MYOF: variants seen among roughly 807,000 people sequenced by gnomAD.
MYOF encodes myoferlin, also known as fer-1-like 3, myoferlin.
In MYOF, 244 loss-of-function variants were observed where a neutral mutation model predicts 284.2. That is an observed-to-expected ratio of 0.86 (90% CI 0.77 to 0.95). The LOEUF (loss-of-function observed/expected upper bound fraction) is 0.95. MYOF is among the 40% of genes least tolerant of loss of function. MYOF has a pLI of 0.00. For missense variants in MYOF, 2,496 were observed against 2,560.6 expected (o/e 0.97, Z 0.54); for synonymous variants, 904 against 919.7 (o/e 0.98, Z 0.31).
At chr10:93,345,726 G>A (rs1362223305) in intron 37 of MYOF, among the ~76,000 whole-genome samples, 1 of 152,208 alleles carries the variant, frequency 6.6e-6, no homozygotes, top group Non-Finnish European at 1.5e-5. Flanking sequence ...GGAGGAGAAA[G>A]TTATTCTGTG....
intron 1 of MYOF, among the ~76,000 whole-genome samples, chr10:93,457,383 T>G (rs1489821414): frequency 6.6e-6 from 1 of 152,232 alleles, no homozygotes; most frequent in Non-Finnish European, 1.5e-5. Context: ...ATGCTGCATC[T>G]GAGTGTGCTA....
chr10:93,329,825 T>C lies in MYOF; in HGVS notation c.4821A>G (p.Glu1607=). 5.6e-6 allele frequency: 9 copies of C among 1,614,172 alleles called. No individual in the cohort carries two copies. The highest frequency in any genetic ancestry group is 7.6e-6 in the Non-Finnish European group (9 of 1,180,016). The change falls in exon 44 of 54, where the codon GAA becomes GAG. Residue 1607 remains glutamate, a synonymous_variant. Coordinates refer to ENST00000359263, the MANE Select transcript of MYOF (RefSeq NM_013451.4). ...TTTCTTGAGGTAAGTAGCAGCTCAG[T>C]TCGTACATCCTAAATAAACAAATGC... is the stretch of plus-strand genomic sequence containing the variant. ...TLNPVFGRMY[E]LSCYLPQEKD... is the part of the protein sequence containing the mutation.
rs567178868 is a variant in MYOF at position 93,467,616 on chromosome 10, A to G, written c.89-10679T>C. Among the ~76,000 whole-genome samples the G allele has an allele frequency of 2.6e-5, 4 of 152,192 alleles. No individual in the cohort carries two copies. The East Asian group carries it at 7.7e-4, about 29-fold the overall frequency. ...AAATACCATTTGACCCAGCCATCCC[A>G]TTACTGGGTATATACCCAAAGGATT... On this transcript the variant is annotated intron_variant, in intron 1 of 53. Coordinates refer to ENST00000359263, the MANE Select transcript of MYOF (RefSeq NM_013451.4).
rs1042117747 is a variant in MYOF at position 93,456,935 on chromosome 10, C to T, written c.91G>A (p.Glu31Lys). The T allele has an allele frequency of 6.2e-7, 1 of 1,603,940 alleles. No individual in the cohort carries two copies. Among genetic ancestry groups the T allele is most frequent in the Non-Finnish European group, 8.5e-7 (1 of 1,176,058 alleles). Residue 31 changes from glutamate to lysine, a missense_variant and splice_region_variant, in exon 2 of 54, where the codon GAG (glutamate) becomes AAG (lysine). By Grantham distance (56) the Glu-to-Lys change is moderately conservative (BLOSUM62 1). This residue lies in a region of MYOF where 57 missense variants were observed against 62.4 expected (regional missense o/e 0.91). Transcript: ENST00000359263. ...TCAACTTTCTTTGTTTTCTTTTTCT[C>T]ATCTGCAAAAGAGATAAAGGAAGAG... ...DPIVSVIFKD[E>K]KKKTKKVDNE... is the part of the protein sequence containing the mutation.
In MYOF at chr10:93,373,251, T is replaced by C. The variant is rs1490187920; in HGVS notation, c.2302-166A>G. On this transcript the variant is annotated intron_variant, in intron 23 of 53. Transcript: ENST00000359263. ...GAGCTCCCATCTTCTAGGACCGCAC[T>C]GTGAGTTTGCAGGGCTGGGAGGCAG... 5.3e-5 allele frequency among the ~76,000 whole-genome samples: 8 copies of C among 152,146 alleles called. No individual in the cohort carries two copies. In the East Asian group the frequency reaches 1.5e-3, roughly 29 times the overall value.
intron 1 of MYOF, among the ~76,000 whole-genome samples, chr10:93,475,233 G>A (rs956357754): frequency 6.6e-6 from 1 of 152,192 alleles, no homozygotes; most frequent in African/African-American, 2.4e-5. Context: ...GCTCAGACCT[G>A]CTCAAAGCAC....
At chr10:93,479,650 C>T (rs2057346601) in intron 1 of MYOF, among the ~76,000 whole-genome samples, 1 of 152,156 alleles carries the variant, frequency 6.6e-6, no homozygotes. Context: ...AAGACCAGTT[C>T]CCATCATGCC....
chr10:93,410,008 AGAG>A (rs1160053931), intron 5 of MYOF, among the ~76,000 whole-genome samples: 7 of 152,204 alleles, frequency 4.6e-5, no homozygotes, highest in African/African-American at 1.7e-4. Context: ...AGGGACAATG[AGAG>A]GAGATGGCAC....
At chr10:93,438,860 A>G (rs2056156117) in intron 3 of MYOF, among the ~76,000 whole-genome samples, 1 of 152,178 alleles carries the variant, frequency 6.6e-6, no homozygotes, top group African/African-American at 2.4e-5. Context: ...AGGAAGGCCT[A>G]GTGACCTGCG....
chr10:93,313,189 C>T lies in MYOF; in HGVS notation c.5720G>A (p.Arg1907His), dbSNP rs374263594. The T allele has an allele frequency of 1.1e-4, 170 of 1,613,236 alleles. 1 individual carries two copies. In the East Asian group the frequency reaches 1.9e-3, roughly 18 times the overall value. The change falls in exon 51 of 54, where the codon CGT becomes CAT. Residue 1907 changes from arginine (R) to histidine (H), a missense_variant. By Grantham distance (29) the Arg-to-His change is conservative. Around this residue, in one of 3 missense-constraint regions of MYOF, gnomAD observed 2,436 missense variants for 2,480.7 expected, o/e 0.98. Coordinates refer to ENST00000359263, the MANE Select transcript of MYOF (RefSeq NM_013451.4). ...DYLGFLELDL[R>H]HTIIPAKSPE... The stretch of plus-strand genomic sequence containing the variant: ...TGATTTTGCAGGAATGATCGTGTGA[C>T]GCAAGTCAAGTTCTAGGAAACCTAG...
intron 5 of MYOF, chr10:93,425,757 T>C (rs1468407339): frequency 1.4e-5 from 5 of 362,958 alleles, no homozygotes; most frequent in Admixed American, 8.2e-5. Context: ...CTGGAGACAC[T>C]GTATGGGGTG....
chr10:93,410,976 A>T (rs1388693037), intron 5 of MYOF, among the ~76,000 whole-genome samples: 1 of 152,204 alleles, frequency 6.6e-6, no homozygotes, highest in African/African-American at 2.4e-5. Flanking sequence ...GAGTCTGAGT[A>T]AGTTTCTTAA....
chr10:93,399,108 G>A (rs778881488), intron 13 of MYOF, among the ~76,000 whole-genome samples: 6 of 152,172 alleles, frequency 3.9e-5, no homozygotes, highest in East Asian at 3.9e-4. Flanking sequence ...TTAAGATAAC[G>A]TTTGGACCTG....
In MYOF at chr10:93,389,029, C is replaced by T. The variant is rs1846541978; in HGVS notation, c.1581+1G>A. 1 of 1,611,170 alleles carries T rather than the reference C, an allele frequency of 6.2e-7. No homozygotes were observed. Among genetic ancestry groups the T allele is most frequent in the Non-Finnish European group, 8.5e-7 (1 of 1,179,198 alleles). On this transcript the variant is annotated splice_donor_variant, in intron 18 of 53. Coordinates refer to ENST00000359263, the MANE Select transcript of MYOF (RefSeq NM_013451.4). LOFTEE classifies it high-confidence loss of function. Reference sequence around the variant, plus strand: ...ATAACCACCTTAATTGAGAAACCAACCTTTCCAGTATTCAGCTCATCATAG... The same window carrying T: ...ATAACCACCTTAATTGAGAAACCAATCTTTCCAGTATTCAGCTCATCATAG...
chr10:93,366,372 T>G lies in MYOF; in HGVS notation c.2753+20A>C. On this transcript the variant is annotated intron_variant, in intron 26 of 53. Transcript: ENST00000359263. The stretch of plus-strand genomic sequence containing the variant: ...AAGATTTCATTGCTATCCTTTTTAC[T>G]CAGAAAATGGACAACTTACCTTCTT... The G allele has an allele frequency of 6.2e-7, 1 of 1,605,970 alleles. No individual in the cohort carries two copies. The highest frequency in any genetic ancestry group is 8.5e-7 in the Non-Finnish European group (1 of 1,177,668).
chr10:93,386,925 G>A (rs1257615670), intron 19 of MYOF, among the ~76,000 whole-genome samples: 2 of 152,076 alleles, frequency 1.3e-5, no homozygotes, highest in African/African-American at 2.4e-5. Flanking sequence ...TGGGTACCAC[G>A]GGAGTTTGGG....
chr10:93,338,759 TGGTTTGAATGGGTA>T (rs1843731786), intron 39 of MYOF, among the ~76,000 whole-genome samples: 1 of 152,140 alleles, frequency 6.6e-6, no homozygotes, highest in African/African-American at 2.4e-5. Context: ...TGGGAATCTC[TGGTTTGAATGGGTA>T]GTCCTTGGTT....
chr10:93,349,399 A>G (rs1844395672), intron 36 of MYOF, among the ~76,000 whole-genome samples: 1 of 152,096 alleles, frequency 6.6e-6, no homozygotes, highest in Non-Finnish European at 1.5e-5. Flanking sequence ...ACCTTCCCCC[A>G]CAGCTGCCCC....
intron 31 of MYOF, among the ~76,000 whole-genome samples, chr10:93,355,041 T>G (rs187178110): frequency 6.6e-6 from 1 of 152,228 alleles, no homozygotes; most frequent in South Asian, 2.1e-4. Context: ...GTGCCTTTTT[T>G]CCTATAGTTA....
Sources: gnomAD v4.1 joint callset for allele counts (sites outside exome capture counted in the v4.1 genomes callset) on GRCh38, gnomAD v4.1.1 for gene constraint, gnomAD v4.1.1 regional missense constraint, MANE v1.5 for transcripts, NCBI Gene and HGNC (gene_info 2026-07-23, HGNC 2026-07-21) for gene names.